The following BTBD9 variants were observed in gnomAD, a reference collection of about 807,000 sequenced individuals.
BTBD9 encodes BTB domain containing 9, also known as BTB/POZ domain-containing protein 9.
Under a neutral mutation model 64.3 loss-of-function variants are expected in BTBD9, and 49 were observed. The ratio of observed to expected loss-of-function variants is 0.76; its 90% confidence interval spans 0.61 to 0.97. The LOEUF is 0.97. BTBD9 is among the 50% of genes least tolerant of loss of function. The pLI, the probability that BTBD9 is intolerant of heterozygous loss-of-function variation, is 0.00. For missense variants in BTBD9, 598 were observed against 762.1 expected (o/e 0.78, Z 2.53); for synonymous variants, 260 against 274.7 (o/e 0.95, Z 0.53).
At chr6:38,260,016 C>T (rs1286099763) in intron 8 of BTBD9, among the ~76,000 whole-genome samples, 2 of 152,134 alleles carry the variant, frequency 1.3e-5, no homozygotes, top group Non-Finnish European at 2.9e-5. Context: ...TCTGTAAGCA[C>T]TTTTATGCAG....
intron 6 of BTBD9, among the ~76,000 whole-genome samples, chr6:38,459,184 A>G (rs1769959486): frequency 6.6e-6 from 1 of 151,826 alleles, no homozygotes; most frequent in African/African-American, 2.4e-5. Flanking sequence ...ACGCCTGGCT[A>G]ATTTTTGTAT....
At chr6:38,564,462 G>A (rs1189390914) in intron 6 of BTBD9, among the ~76,000 whole-genome samples, 2 of 152,172 alleles carry the variant, frequency 1.3e-5, no homozygotes, top group African/African-American at 4.8e-5. Flanking sequence ...CTTGCTAAAT[G>A]AATACATGGG....
intron 6 of BTBD9, among the ~76,000 whole-genome samples, chr6:38,535,030 T>C (rs772486156): frequency 6.6e-6 from 1 of 152,016 alleles, no homozygotes; most frequent in Non-Finnish European, 1.5e-5. Flanking sequence ...AGCAATCAGA[T>C]AACAGAAAGA....
At chr6:38,400,479 T>G (rs1048435161) in intron 6 of BTBD9, among the ~76,000 whole-genome samples, 1 of 152,210 alleles carries the variant, frequency 6.6e-6, no homozygotes, top group East Asian at 1.9e-4. Context: ...TTTACCCCAT[T>G]TGACAGCCTT....
At chr6:38,459,194 T>C (rs1769959894) in intron 6 of BTBD9, among the ~76,000 whole-genome samples, 1 of 152,114 alleles carries the variant, frequency 6.6e-6, no homozygotes, top group South Asian at 2.1e-4. Flanking sequence ...AATTTTTGTA[T>C]TTTTAGTAGA....
At chr6:38,489,768 C>T (rs1771618739) in intron 6 of BTBD9, among the ~76,000 whole-genome samples, 2 of 152,144 alleles carry the variant, frequency 1.3e-5, no homozygotes, top group Non-Finnish European at 2.9e-5. Context: ...TATTTATATG[C>T]CATCTTTTGT....
chr6:38,554,889 G>A (rs1774950112), intron 6 of BTBD9, among the ~76,000 whole-genome samples: 1 of 152,190 alleles, frequency 6.6e-6, no homozygotes, highest in East Asian at 1.9e-4. Context: ...GCCAAATTAA[G>A]GCTGGTAAAG....
chr6:38,409,018 G>A (rs558258506), intron 6 of BTBD9, among the ~76,000 whole-genome samples: 3 of 152,228 alleles, frequency 2.0e-5, no homozygotes, highest in African/African-American at 7.2e-5. Context: ...GGGAGGCCGA[G>A]GCAGGTGGAT....
chr6:38,216,406 T>A (rs969904294), intron 9 of BTBD9, among the ~76,000 whole-genome samples: 4 of 152,202 alleles, frequency 2.6e-5, no homozygotes, highest in Non-Finnish European at 5.9e-5. Flanking sequence ...AGTCCTTGGC[T>A]AGGACTATGG....
At position 38,577,508 on chromosome 6, in the gene BTBD9, T is replaced by C. The variant is rs544761869; in HGVS notation, c.1154+92A>G. ...TAGTAGTTGACATCCTGAATAACTC[T>C]TTTTTCAAGATGAAAAATGCAGTTC... On this transcript the variant is annotated intron_variant, in intron 6 of 10. Coordinates refer to ENST00000481247, the MANE Select transcript of BTBD9 (RefSeq NM_001099272.2). 61 of 1,312,900 alleles carry C rather than the reference T, an allele frequency of 4.6e-5. 1 individual carries two copies. The highest frequency in any genetic ancestry group is 6.2e-5 in the Non-Finnish European group (59 of 958,552). 81.3% of individuals were successfully genotyped at this position (1,312,900 alleles called of 1,614,324 possible). A position where few individuals can be genotyped will look rare whatever the true frequency, so the allele number is the denominator to read the frequency against.
intron 6 of BTBD9, among the ~76,000 whole-genome samples, chr6:38,399,576 A>T (rs1439721628): frequency 6.6e-6 from 1 of 152,160 alleles, no homozygotes; most frequent in Non-Finnish European, 1.5e-5. Flanking sequence ...TATGGCAGAG[A>T]CTGTGAGTTG....
At chr6:38,274,550 T>G (rs1330558056) in intron 8 of BTBD9, among the ~76,000 whole-genome samples, 1 of 152,230 alleles carries the variant, frequency 6.6e-6, no homozygotes, top group African/African-American at 2.4e-5. Context: ...TTGAGATGCG[T>G]CCCATCGATA....
intron 6 of BTBD9, among the ~76,000 whole-genome samples, chr6:38,494,462 T>A (rs1412614533): frequency 1.3e-5 from 2 of 152,230 alleles, no homozygotes; most frequent in Admixed American, 1.3e-4. Context: ...ACGCCTCAGA[T>A]AATGGCGAAT....
chr6:38,619,149 C>T (rs955261795), intron 1 of BTBD9, among the ~76,000 whole-genome samples: 1 of 152,196 alleles, frequency 6.6e-6, no homozygotes, highest in Admixed American at 6.5e-5. Flanking sequence ...TGTCACCTGA[C>T]TCCCTCAAGG....
intron 10 of BTBD9, among the ~76,000 whole-genome samples, chr6:38,181,606 T>A (rs1374187428): frequency 1.3e-5 from 2 of 152,200 alleles, no homozygotes; most frequent in Non-Finnish European, 2.9e-5. Context: ...TTTTTGTTCT[T>A]TAAAAATGAA....
chr6:38,371,650 T>C (rs1765433126), intron 6 of BTBD9, among the ~76,000 whole-genome samples: 1 of 152,202 alleles, frequency 6.6e-6, no homozygotes, highest in Non-Finnish European at 1.5e-5. Flanking sequence ...GACTCTACTG[T>C]CCACCTTCTG....
In BTBD9 at chr6:38,524,772, CAA is replaced by C. The variant is rs1773412907; in HGVS notation, c.1154+52826_1154+52827del. On this transcript the variant is annotated intron_variant, in intron 6 of 10. Transcript: ENST00000481247. Reference sequence around the variant, plus strand: ...TGATAAACATTATAAAATTAACCCACAAAGAGTTTTGAACTCTGCCCTCTAGC... The same window carrying C: ...TGATAAACATTATAAAATTAACCCACAGAGTTTTGAACTCTGCCCTCTAGC... Among the ~76,000 whole-genome samples, 7 of 152,262 alleles carry C rather than the reference CAA, an allele frequency of 4.6e-5. No homozygotes were observed. The South Asian group carries it at 6.2e-4, about 14-fold the overall frequency.
At chr6:38,578,449 A>T (rs1448173667) in intron 5 of BTBD9, among the ~76,000 whole-genome samples, 1 of 152,182 alleles carries the variant, frequency 6.6e-6, no homozygotes, top group Non-Finnish European at 1.5e-5. Context: ...TCATAAGCCA[A>T]ATTTAAATTT....
chr6:38,393,854 T>G (rs1372783458), intron 6 of BTBD9, among the ~76,000 whole-genome samples: 1 of 152,204 alleles, frequency 6.6e-6, no homozygotes, highest in Admixed American at 6.5e-5. Flanking sequence ...ATCTTCATTC[T>G]ATTAAGAAGA....
Sources: allele counts gnomAD v4.1 joint callset (sites outside exome capture counted in the v4.1 genomes callset), GRCh38; gene constraint gnomAD v4.1.1; transcripts MANE v1.5; gene names NCBI Gene and HGNC (gene_info 2026-07-23, HGNC 2026-07-21).